The following RSPO2 variants were observed in gnomAD, a reference collection of about 807,000 sequenced individuals.
RSPO2 encodes the protein R-spondin-2.
RSPO2 carries 14 observed loss-of-function variants against 30.9 expected under a neutral mutation model. The ratio of observed to expected loss-of-function variants is 0.45; its 90% CI spans 0.30 to 0.71. The LOEUF (loss-of-function observed/expected upper bound fraction) is 0.71, where lower values mean the gene tolerates loss of function less well. Ranked by LOEUF, RSPO2 falls within the 30% of genes least tolerant of loss-of-function variation. The pLI, the probability that RSPO2 is intolerant of heterozygous loss-of-function variation, is 0.08. For missense variants in RSPO2, 264 were observed against 301.9 expected (o/e 0.87, Z 0.93); for synonymous variants, 107 against 96.4 (o/e 1.11, Z -0.64).
In RSPO2 at chr8:108,082,694, G is replaced by T; in HGVS notation, c.-56C>A. 3 of 1,468,642 alleles carry T rather than the reference G, an allele frequency of 2.0e-6. No individual in the cohort carries two copies. The highest frequency in any genetic ancestry group is 9.5e-7 in the Non-Finnish European group (1 of 1,054,668). The allele number at this position is 1,468,642 out of a possible 1,614,324, so 91.0% of individuals were successfully genotyped here. ...TCAAAGTCTAGGAACTGGAGGGTTC[G>T]CCCAAAGAGCCGGCGCCGGCCGCGC... On this transcript the variant is annotated 5_prime_UTR_variant, in exon 2 of 6. Transcript: ENST00000276659.
chr8:107,992,174 TACAC>T (rs35054419), intron 2 of RSPO2, among the ~76,000 whole-genome samples: 17 of 142,056 alleles, frequency 1.2e-4, no homozygotes, highest in East Asian at 2.1e-4. Flanking sequence ...GAAAATGTGA[TACAC>T]ACACACACAC....
intron 2 of RSPO2, among the ~76,000 whole-genome samples, chr8:108,044,008 A>G (rs1403352382): frequency 6.6e-6 from 1 of 152,156 alleles, no homozygotes; most frequent in East Asian, 1.9e-4. Flanking sequence ...CACTTCTAGC[A>G]CAATGCCTGA....
At chr8:107,972,366 G>A (rs1020367389) in intron 3 of RSPO2, among the ~76,000 whole-genome samples, 2 of 151,932 alleles carry the variant, frequency 1.3e-5, no homozygotes, top group Admixed American at 6.6e-5. Context: ...GGCAGGTCTC[G>A]AACTCCTGAC....
chr8:108,003,668 G>A (rs888602442), intron 2 of RSPO2, among the ~76,000 whole-genome samples: 2 of 151,848 alleles, frequency 1.3e-5, no homozygotes, highest in South Asian at 2.1e-4. Context: ...CAAAATAAGG[G>A]TTAAAAAGAA....
chr8:108,046,778 A>G (rs1024743316), intron 2 of RSPO2, among the ~76,000 whole-genome samples: 13 of 152,198 alleles, frequency 8.5e-5, no homozygotes, highest in Non-Finnish European at 1.9e-4. Context: ...TTAAATATTC[A>G]CCCTATTAAT....
chr8:107,977,282 TTAAAGTG>T (rs1814249655), intron 3 of RSPO2, among the ~76,000 whole-genome samples: 2 of 152,264 alleles, frequency 1.3e-5, no homozygotes, highest in African/African-American at 4.8e-5. Flanking sequence ...GCAGTGATTC[TTAAAGTG>T]TAGTCTTTGA....
Position 107,901,691 on chromosome 8 carries a change from T to C in RSPO2, c.617-501A>G, listed in dbSNP as rs140003683. Among the ~76,000 whole-genome samples, 23 of 152,368 alleles carry C rather than the reference T, an allele frequency of 1.5e-4. No individual in the cohort carries two copies. The East Asian group carries it at 4.4e-3, about 29-fold the overall frequency. On this transcript the variant is annotated intron_variant, in intron 5 of 5. Transcript: ENST00000276659. ...CCTCCATATTCCAAATACCAATGTA[T>C]AAAATGACATATGTGCAATCCTTTA...
At chr8:108,027,572 T>TA (rs1435716516) in intron 2 of RSPO2, among the ~76,000 whole-genome samples, 1 of 152,052 alleles carries the variant, frequency 6.6e-6, no homozygotes, top group Non-Finnish European at 1.5e-5. Context: ...AAAGTATTTA[T>TA]ATTTTTTTTA....
At chr8:107,996,207 G>A (rs560523749) in intron 2 of RSPO2, among the ~76,000 whole-genome samples, 1 of 152,320 alleles carries the variant, frequency 6.6e-6, no homozygotes, top group Non-Finnish European at 1.5e-5. Flanking sequence ...GGAAAAGGTA[G>A]CTAGAGAGAA....
chr8:107,955,632 G>GT (rs150506495), intron 5 of RSPO2, among the ~76,000 whole-genome samples: 7,009 of 108,366 alleles, frequency 0.065, 300 homozygotes, highest in African/African-American at 0.11. Context: ...GCATTACACT[G>GT]TTTTTTAAAA....
intron 3 of RSPO2, among the ~76,000 whole-genome samples, chr8:107,970,577 A>G (rs111529151): frequency 1.1e-4 from 16 of 152,352 alleles, no homozygotes; most frequent in African/African-American, 3.1e-4. Context: ...ATATCAGATA[A>G]GCATGAGGAT....
At chr8:107,979,408 A>G (rs1814341012) in intron 3 of RSPO2, among the ~76,000 whole-genome samples, 1 of 152,146 alleles carries the variant, frequency 6.6e-6, no homozygotes, top group African/African-American at 2.4e-5. Flanking sequence ...GGAAACCATC[A>G]TTCTCAGCAA....
intron 2 of RSPO2, among the ~76,000 whole-genome samples, chr8:107,995,396 A>G (rs1814985571): frequency 6.6e-6 from 1 of 152,082 alleles, no homozygotes; most frequent in East Asian, 1.9e-4. Flanking sequence ...GCATGTATAC[A>G]TTATATAATT....
At chr8:107,956,037 T>TTC (rs1658865023) in intron 5 of RSPO2, among the ~76,000 whole-genome samples, 1 of 152,206 alleles carries the variant, frequency 6.6e-6, no homozygotes. Flanking sequence ...AAAGGAACTT[T>TTC]TCTCTCTCTC....
chr8:108,006,305 G>A (rs1423795279), intron 2 of RSPO2, among the ~76,000 whole-genome samples: 1 of 151,960 alleles, frequency 6.6e-6, no homozygotes, highest in Non-Finnish European at 1.5e-5. Flanking sequence ...GATATATTCA[G>A]GGGAAAAAAT....
At chr8:108,015,369 A>T (rs551261892) in intron 2 of RSPO2, among the ~76,000 whole-genome samples, 1 of 152,300 alleles carries the variant, frequency 6.6e-6, no homozygotes, top group South Asian at 2.1e-4. Flanking sequence ...TAACACTAGT[A>T]TGAAAAGTGT....
intron 2 of RSPO2, among the ~76,000 whole-genome samples, chr8:108,008,495 T>C (rs1483624788): frequency 1.3e-5 from 2 of 152,034 alleles, no homozygotes; most frequent in Admixed American, 1.3e-4. Flanking sequence ...CTTACTAACA[T>C]CCAGCTCACT....
At chr8:107,903,689 C>A (rs1811548326) in intron 5 of RSPO2, among the ~76,000 whole-genome samples, 1 of 152,068 alleles carries the variant, frequency 6.6e-6, no homozygotes, top group African/African-American at 2.4e-5. Flanking sequence ...CCAATTCCAA[C>A]AAGCAATGTT....
At chr8:108,082,416 G>T in intron 2 of RSPO2, 129 bp downstream of exon 2, 1 of 673,436 alleles carries the variant, frequency 1.5e-6, no homozygotes, top group Non-Finnish European at 2.6e-6. Context: ...GTGGGGACTG[G>T]GGACCCGCAA....
Sources: allele counts gnomAD v4.1 joint callset (sites outside exome capture counted in the v4.1 genomes callset), GRCh38; gene constraint gnomAD v4.1.1; transcripts MANE v1.5; gene names NCBI Gene and HGNC (gene_info 2026-07-23, HGNC 2026-07-21).